The following MTA3 variants were observed in gnomAD, a reference collection of about 807,000 sequenced individuals.
MTA3 encodes the protein metastasis-associated protein MTA3.
Under a neutral mutation model 83.5 loss-of-function variants are expected in MTA3, and 34 were observed. The observed-to-expected ratio is 0.41, with a 90% CI of 0.31 to 0.54. The LOEUF (loss-of-function observed/expected upper bound fraction) is 0.54, where lower values mean the gene tolerates loss of function less well. MTA3 is among the 20% of genes least tolerant of loss of function. MTA3 has a pLI of 0.33. For synonymous variants in MTA3, 303 were observed against 252.7 expected (o/e 1.20, Z -1.89); for missense variants, 761 against 726.4 (o/e 1.05, Z -0.55).
At chr2:42,642,265 T>G (rs1240431351) in intron 5 of MTA3, among the ~76,000 whole-genome samples, 2 of 152,126 alleles carry the variant, frequency 1.3e-5, no homozygotes, top group African/African-American at 4.8e-5. Context: ...TCATTTCATC[T>G]TATTATATTG....
chr2:42,626,286 C>G (rs765546224), intron 4 of MTA3, among the ~76,000 whole-genome samples: 2 of 148,200 alleles, frequency 1.3e-5, no homozygotes, highest in Non-Finnish European at 3.0e-5. Flanking sequence ...TAAGGCTGAA[C>G]AGGAGCTCCA....
intron 2 of MTA3, among the ~76,000 whole-genome samples, chr2:42,544,817 AT>A (rs1676684435): frequency 6.6e-6 from 1 of 152,200 alleles, no homozygotes. Flanking sequence ...ATCTCGTGCT[AT>A]ATGGCTTTCA....
intron 2 of MTA3, among the ~76,000 whole-genome samples, chr2:42,499,663 C>G (rs150817503): frequency 2.4e-4 from 36 of 151,490 alleles, no homozygotes; most frequent in African/African-American, 8.0e-4. Context: ...TGATGCATGC[C>G]TGTAATCCCA....
chr2:42,674,596 CT>C lies in MTA3; in HGVS notation c.703-7784del, dbSNP rs34154066. ...AGACTTTTAGTTTAGTTTTCTTCTT[CT>C]TTTTTTTTTTTTTTTTTTTTGAGAC... On this transcript the variant is annotated intron_variant, in intron 8 of 16. Transcript: ENST00000405094. Among the ~76,000 whole-genome samples, 832 of 114,170 alleles carry C rather than the reference CT, an allele frequency of 7.3e-3. 1 individual carries two copies. Among genetic ancestry groups the C allele is most frequent in the East Asian group, 0.016 (63 of 4,014 alleles). 74.9% of individuals were successfully genotyped at this position (114,170 alleles called of 152,430 possible). A position where few individuals can be genotyped will look rare whatever the true frequency, so the allele number is the denominator to read the frequency against.
chr2:42,637,914 G>A (rs887645776), intron 4 of MTA3, among the ~76,000 whole-genome samples: 4 of 152,106 alleles, frequency 2.6e-5, no homozygotes, highest in Admixed American at 2.6e-4. Flanking sequence ...AATTTTCAGT[G>A]TCCGTTAACC....
rs1184933012 is a variant in MTA3, at chr2:42,524,972, T to A, written c.-141+29718T>A. Among the ~76,000 whole-genome samples the A allele has an allele frequency of 1.2e-3, 180 of 151,312 alleles. 1 individual carries two copies. The highest frequency in any genetic ancestry group is 4.0e-3 in the African/African-American group (164 of 41,390). ...CTGTGGGTCTCTTTTTTTTTTTTTT[T>A]TATACTTTAAGTTTTAGGGTACATG... On this transcript the variant is annotated intron_variant, in intron 2 of 17. Coordinates refer to the MTA3 transcript ENST00000405592.
intron 5 of MTA3, among the ~76,000 whole-genome samples, chr2:42,643,044 C>T (rs558993670): frequency 1.4e-5 from 2 of 143,532 alleles, no homozygotes. Context: ...TCCCCCCCCC[C>T]CCTTTTTTTT....
intron 2 of MTA3, among the ~76,000 whole-genome samples, chr2:42,546,178 C>G (rs897109403): frequency 6.6e-6 from 1 of 152,106 alleles, no homozygotes; most frequent in Admixed American, 6.6e-5. Context: ...AATGGAGGCG[C>G]CTGGTGACTG....
At chr2:42,677,722 C>T (rs534704053) in intron 8 of MTA3, among the ~76,000 whole-genome samples, 1 of 152,256 alleles carries the variant, frequency 6.6e-6, no homozygotes, top group Non-Finnish European at 1.5e-5. Flanking sequence ...ACGTGACTTG[C>T]TCCTCCTTGC....
chr2:42,616,663 C>T (rs1435829528), intron 4 of MTA3, among the ~76,000 whole-genome samples: 4 of 142,234 alleles, frequency 2.8e-5, no homozygotes, highest in Admixed American at 1.5e-4. Flanking sequence ...ACTGCAGCCT[C>T]GTCCTCCCTG....
chr2:42,716,214 C>T (rs957645478), intron 14 of MTA3, among the ~76,000 whole-genome samples: 6 of 152,190 alleles, frequency 3.9e-5, no homozygotes, highest in African/African-American at 1.4e-4. Context: ...ATCATTTATA[C>T]TTGTCAGTGG....
chr2:42,621,470 T>C (rs1342909102), intron 4 of MTA3, among the ~76,000 whole-genome samples: 5 of 152,220 alleles, frequency 3.3e-5, no homozygotes, highest in African/African-American at 1.2e-4. Flanking sequence ...ATCAACAGCA[T>C]CCCAAGGCAG....
At chr2:42,692,429 T>TC in intron 9 of MTA3, among the ~76,000 whole-genome samples, 1 of 151,474 alleles carries the variant, frequency 6.6e-6, no homozygotes, top group East Asian at 1.9e-4. Flanking sequence ...TCTTTTTTTT[T>TC]TTTTTTTTCT....
chr2:42,714,919 G>A (rs539799693), intron 14 of MTA3, among the ~76,000 whole-genome samples: 18 of 152,246 alleles, frequency 1.2e-4, no homozygotes, highest in Admixed American at 7.8e-4. Context: ...CCTGCTGTCC[G>A]GCCCAGTTCC....
chr2:42,653,806 T>C (rs1244179434), intron 6 of MTA3, among the ~76,000 whole-genome samples: 2 of 152,240 alleles, frequency 1.3e-5, no homozygotes, highest in Non-Finnish European at 2.9e-5. Context: ...ATTGTAGTCT[T>C]ACGTTCAGGA....
intron 2 of MTA3, among the ~76,000 whole-genome samples, chr2:42,549,667 CATATATA>C (rs1217042412): frequency 5.0e-5 from 6 of 120,590 alleles, no homozygotes; most frequent in Non-Finnish European, 8.0e-5. Flanking sequence ...TATACATATA[CATATATA>C]ATATATAATA....
intron 2 of MTA3, among the ~76,000 whole-genome samples, chr2:42,519,868 G>T (rs1012592344): frequency 6.6e-6 from 1 of 152,116 alleles, no homozygotes. Context: ...GGGCAACATG[G>T]TGAAACCCTG....
intron 9 of MTA3, among the ~76,000 whole-genome samples, chr2:42,690,937 C>T (rs1383987115): frequency 7.9e-5 from 12 of 151,038 alleles, no homozygotes; most frequent in Admixed American, 1.3e-4. Context: ...AGTGCAGTGG[C>T]GCGATCTCTG....
rs1360209441 is a variant in MTA3 at position 42,641,864 on chromosome 2, CT to C, written c.381+1630del. Among the ~76,000 whole-genome samples, 9 of 149,900 alleles carry C rather than the reference CT, an allele frequency of 6.0e-5. No homozygotes were observed. In the East Asian group the frequency reaches 1.8e-3, roughly 29 times the overall value. On this transcript the variant is annotated intron_variant, in intron 5 of 16. Transcript: ENST00000405094. ...TCTGGGTGACAGAGTGAGACCTTGT[CT>C]TAAAAAAAAAAAATAGACATTGGAG... is the stretch of plus-strand genomic sequence containing the variant.
Sources: gnomAD v4.1 joint callset for allele counts (sites outside exome capture counted in the v4.1 genomes callset) on GRCh38, gnomAD v4.1.1 for gene constraint, MANE v1.5 for transcripts, NCBI Gene and HGNC (gene_info 2026-07-23, HGNC 2026-07-21) for gene names.